Variants in CDH11 observed in about 807,000 individuals in gnomAD.
The protein encoded by CDH11 is cadherin 11, also known as cadherin-11.
CDH11 carries 11 observed loss-of-function variants against 67.8 expected under a neutral mutation model. The ratio of observed to expected loss-of-function variants is 0.16; its 90% CI spans 0.10 to 0.27. The LOEUF (loss-of-function observed/expected upper bound fraction) is 0.27. CDH11 is among the 10% of genes least tolerant of loss of function. The pLI is 1.00. For missense variants in CDH11, 847 were observed against 1,031.2 expected (o/e 0.82, Z 2.45); for synonymous variants, 419 against 400.0 (o/e 1.05, Z -0.57).
chr16:64,964,438 A>G (rs1163103468), intron 11 of CDH11, among the ~76,000 whole-genome samples: 1 of 152,234 alleles, frequency 6.6e-6, no homozygotes, highest in Admixed American at 6.5e-5. Flanking sequence ...TGTATAGGGT[A>G]CTTAGCATGA....
At chr16:65,003,998 G>C (rs528844817) in intron 3 of CDH11, among the ~76,000 whole-genome samples, 1 of 152,310 alleles carries the variant, frequency 6.6e-6, no homozygotes, top group South Asian at 2.1e-4. Context: ...TGTGGTCAGG[G>C]AAATGCCTCC....
intron 2 of CDH11, among the ~76,000 whole-genome samples, chr16:65,039,427 C>A (rs1435325902): frequency 1.3e-5 from 2 of 152,132 alleles, no homozygotes; most frequent in Non-Finnish European, 2.9e-5. Context: ...ACTATCTGAT[C>A]TTTGACAAAC....
intron 11 of CDH11, among the ~76,000 whole-genome samples, chr16:64,952,538 G>A (rs1292102342): frequency 2.0e-5 from 3 of 152,094 alleles, no homozygotes; most frequent in African/African-American, 7.2e-5. Flanking sequence ...TCCTCATCAT[G>A]TTTTCTCTAC....
chr16:64,982,486 T>C (rs1380266520), intron 7 of CDH11, 185 bp from the exon 8 acceptor site: 4 of 593,094 alleles, frequency 6.7e-6, no homozygotes, highest in South Asian at 2.1e-5. Context: ...AAACCTAGAA[T>C]GTGCTTAATG....
chr16:65,104,063 C>T (rs1355875137), intron 1 of CDH11, among the ~76,000 whole-genome samples: 1 of 152,004 alleles, frequency 6.6e-6, no homozygotes, highest in Admixed American at 6.6e-5. Context: ...CATGAAATTA[C>T]AATTATAAAC....
intron 1 of CDH11, among the ~76,000 whole-genome samples, chr16:65,111,753 G>A (rs760997621): frequency 2.6e-5 from 4 of 151,144 alleles, no homozygotes; most frequent in Admixed American, 1.3e-4. Flanking sequence ...AATGGGGAGA[G>A]GGCATCCTGG....
intron 3 of CDH11, among the ~76,000 whole-genome samples, chr16:65,001,800 T>TAAAA (rs34584816): frequency 1.4e-5 from 2 of 143,116 alleles, no homozygotes; most frequent in African/African-American, 2.6e-5. Context: ...ACACACACAT[T>TAAAA]AAAAAAAAAA....
intron 2 of CDH11, among the ~76,000 whole-genome samples, chr16:65,049,026 G>A (rs761053676): frequency 1.3e-5 from 2 of 152,006 alleles, no homozygotes; most frequent in Non-Finnish European, 2.9e-5. Flanking sequence ...TATAAAGATG[G>A]CAATAATAGA....
intron 3 of CDH11, 133 bp from the exon 4 acceptor site, chr16:64,998,989 C>CAA: frequency 1.3e-6 from 1 of 755,310 alleles, no homozygotes; most frequent in Non-Finnish European, 2.1e-6. Flanking sequence ...CTCCATTTTA[C>CAA]AACAGGAGAA....
upstream of CDH11, among the ~76,000 whole-genome samples, chr16:65,122,642 C>G (rs545358828): frequency 6.6e-6 from 1 of 152,276 alleles, no homozygotes; most frequent in Admixed American, 6.5e-5. Context: ...CCTGCCCAGC[C>G]CCCACCCCTC....
chr16:64,994,657 G>A (rs1174767482), intron 4 of CDH11, among the ~76,000 whole-genome samples: 1 of 152,120 alleles, frequency 6.6e-6, no homozygotes, highest in African/African-American at 2.4e-5. Context: ...AATAAGACAA[G>A]GATGCCCACT....
intron 1 of CDH11, among the ~76,000 whole-genome samples, chr16:65,065,182 TA>T (rs762099785): frequency 1.3e-5 from 2 of 152,268 alleles, no homozygotes; most frequent in Non-Finnish European, 2.9e-5. Context: ...TCTAAAGCCC[TA>T]CAGGAAAGTA....
chr16:65,039,152 C>A (rs2073813439), intron 2 of CDH11, among the ~76,000 whole-genome samples: 1 of 152,196 alleles, frequency 6.6e-6, no homozygotes, highest in East Asian at 1.9e-4. Context: ...GCGCACTTGC[C>A]TCCTTCCTTG....
chr16:65,027,394 G>A (rs1382768701), intron 2 of CDH11, among the ~76,000 whole-genome samples: 1 of 152,176 alleles, frequency 6.6e-6, no homozygotes, highest in African/African-American at 2.4e-5. Context: ...TTTGCGCTCA[G>A]GGATCTTACA....
At chr16:65,043,410 CAAACAT>C (rs2073901165) in intron 2 of CDH11, among the ~76,000 whole-genome samples, 1 of 152,046 alleles carries the variant, frequency 6.6e-6, no homozygotes, top group Non-Finnish European at 1.5e-5. Context: ...GAATCAGAAA[CAAACAT>C]AAAGAGAAGA....
At chr16:64,999,322 T>C (rs2072856066) in intron 3 of CDH11, among the ~76,000 whole-genome samples, 1 of 152,172 alleles carries the variant, frequency 6.6e-6, no homozygotes, top group South Asian at 2.1e-4. Flanking sequence ...CTATAAGAGA[T>C]ATTCTATTCT....
intron 2 of CDH11, among the ~76,000 whole-genome samples, chr16:65,038,321 T>C (rs1392840407): frequency 1.3e-5 from 2 of 152,086 alleles, no homozygotes; most frequent in African/African-American, 2.4e-5. Flanking sequence ...GGGAAGAAAA[T>C]GTCTCGTGAA....
chr16:65,096,202 G>A (rs2142842714), intron 1 of CDH11, among the ~76,000 whole-genome samples: 1 of 152,158 alleles, frequency 6.6e-6, no homozygotes, highest in South Asian at 2.1e-4. Flanking sequence ...TTCCAGTGAA[G>A]TATTACAAGT....
At chr16:64,977,938 C>A (rs1310034107) in intron 8 of CDH11, among the ~76,000 whole-genome samples, 1 of 152,216 alleles carries the variant, frequency 6.6e-6, no homozygotes, top group Non-Finnish European at 1.5e-5. Flanking sequence ...CCAAAAGCAA[C>A]CCAACACCAC....
Sources: gnomAD v4.1 joint callset for allele counts (sites outside exome capture counted in the v4.1 genomes callset) on GRCh38, gnomAD v4.1.1 for gene constraint, MANE v1.5 for transcripts, NCBI Gene and HGNC (gene_info 2026-07-23, HGNC 2026-07-21) for gene names.